Variants in UBE3C observed in about 807,000 individuals in gnomAD.
The protein encoded by UBE3C is ubiquitin protein ligase E3C.
In UBE3C, 42 loss-of-function variants were observed where a neutral mutation model predicts 129.4. The observed-to-expected ratio is 0.32, with a 90% CI of 0.25 to 0.42. The LOEUF is 0.42. UBE3C is among the 10% of genes least tolerant of loss of function. UBE3C has a pLI of 1.00. For synonymous variants in UBE3C, 510 were observed against 492.4 expected (o/e 1.04, Z -0.47); for missense variants, 1,049 against 1,319.1 (o/e 0.80, Z 3.17).
At chr7:157,140,364 G>C (rs1586636289) in intron 1 of UBE3C, among the ~76,000 whole-genome samples, 1 of 152,150 alleles carries the variant, frequency 6.6e-6, no homozygotes, top group South Asian at 2.1e-4. Flanking sequence ...GGTTAGAAGG[G>C]AACCTGGGTA....
In UBE3C at chr7:157,254,216, ATGT is replaced by A. The variant is rs758115610; in HGVS notation, c.2884-26_2884-24del. On this transcript the variant is annotated intron_variant, in intron 20 of 22. Transcript: ENST00000348165. ...CAGGCTTTCTTAAAATTTACCTCAA[ATGT>A]TATTATTTGAACTTTTTTCCTTAGG... 18 of 1,610,304 alleles carry A rather than the reference ATGT, an allele frequency of 1.1e-5. No homozygotes were observed. The African/African-American group carries it at 2.3e-4, about 20-fold the overall frequency.
intron 19 of UBE3C, among the ~76,000 whole-genome samples, chr7:157,250,603 G>A (rs1796597567): frequency 6.6e-6 from 1 of 152,168 alleles, no homozygotes; most frequent in Non-Finnish European, 1.5e-5. Flanking sequence ...GATTACAGAT[G>A]CAAGCCACCA....
chr7:157,140,172 AC>A (rs1554417663), intron 1 of UBE3C, among the ~76,000 whole-genome samples: 1 of 79,864 alleles, frequency 1.3e-5, no homozygotes, highest in Non-Finnish European at 2.5e-5. Context: ...CTCCCTTCCC[AC>A]CCCTTCCCAT....
chr7:157,153,021 C>G, intron 1 of UBE3C, among the ~76,000 whole-genome samples: 1 of 152,086 alleles, frequency 6.6e-6, no homozygotes, highest in East Asian at 1.9e-4. Flanking sequence ...CATGGCGAAA[C>G]CCTGTCTCTA....
At chr7:157,170,842 T>C (rs1808348327) in intron 4 of UBE3C, among the ~76,000 whole-genome samples, 1 of 152,124 alleles carries the variant, frequency 6.6e-6, no homozygotes, top group Non-Finnish European at 1.5e-5. Context: ...GTCTCAGTGT[T>C]TACATTTTAT....
intron 2 of UBE3C, among the ~76,000 whole-genome samples, chr7:157,165,194 T>C (rs909336377): frequency 1.3e-5 from 2 of 152,150 alleles, no homozygotes; most frequent in South Asian, 4.1e-4. Flanking sequence ...TCGGCCATTA[T>C]CTCTTCCATT....
rs560690841 is a variant in UBE3C, at chr7:157,235,812, C to CTTGG, written c.2481+4487_2481+4488insGGTT. On this transcript the variant is annotated intron_variant, in intron 18 of 22. Coordinates refer to ENST00000348165, the MANE Select transcript of UBE3C (RefSeq NM_014671.3). The stretch of plus-strand genomic sequence containing the variant: ...GTGGAAATTCCTAAGGGGTTACTAA[C>CTTGG]TTCCAAAACATATCTGATGACCATC... 2.4e-4 allele frequency among the ~76,000 whole-genome samples: 37 copies of CTTGG among 152,340 alleles called. No homozygotes were observed. The South Asian group carries it at 7.4e-3, about 31-fold the overall frequency.
chr7:157,170,332 G>T lies in UBE3C; in HGVS notation c.224G>T (p.Arg75Leu). The T allele has an allele frequency of 6.6e-7, 1 of 1,519,886 alleles. No individual in the cohort carries two copies. The highest frequency in any genetic ancestry group is 8.8e-7 in the Non-Finnish European group (1 of 1,137,522). The allele number at this position is 1,519,886 out of a possible 1,614,324, so 94.1% of individuals were successfully genotyped here. The stretch of plus-strand genomic sequence containing the variant: ...TCCATCCAAAGAAGTGCATTTGATC[G>T]CTGTGCTACCTTGTCACAGTCCGGG... Reference protein sequence around the residue: ...QYSIQRSAFDRCATLSQSGGA... With the variant: ...QYSIQRSAFDLCATLSQSGGA... Residue 75 changes from arginine to leucine, a missense_variant, in exon 4 of 23, where the codon CGC (arginine) becomes CTC (leucine). By Grantham distance (102) the Arg-to-Leu change is moderately radical. Around this residue, in one of 4 missense-constraint regions of UBE3C, gnomAD observed 489 missense variants for 513.8 expected, o/e 0.95. Transcript: ENST00000348165.
At chr7:157,139,417 T>G in intron 1 of UBE3C, 79 bp downstream of exon 1, 1 of 1,357,200 alleles carries the variant, frequency 7.4e-7, no homozygotes. Context: ...GGGGCTGGAC[T>G]CGGGGCTGGA....
Position 157,153,984 on chromosome 7 carries a change from G to T in UBE3C, c.67-9826G>T, listed in dbSNP as rs530293677. Among the ~76,000 whole-genome samples the T allele has an allele frequency of 3.4e-5, 5 of 148,878 alleles. No homozygotes were observed. In the East Asian group the frequency reaches 1.0e-3, roughly 31 times the overall value. ...TGCACTCCAGCTTGGGTGACAGAGCGAGGCCCTGTCTGGGGGGGGAAAAGT... is the reference window on the plus strand; with the variant it reads ...TGCACTCCAGCTTGGGTGACAGAGCTAGGCCCTGTCTGGGGGGGGAAAAGT... On this transcript the variant is annotated intron_variant, in intron 1 of 22. Transcript: ENST00000348165.
At chr7:157,194,561 A>G (rs1315577912) in intron 10 of UBE3C, among the ~76,000 whole-genome samples, 1 of 152,250 alleles carries the variant, frequency 6.6e-6, no homozygotes, top group Non-Finnish European at 1.5e-5. Context: ...TCTGAGGCGC[A>G]TGCCAGAAAG....
chr7:157,259,059 C>T (rs1376854697), intron 22 of UBE3C, among the ~76,000 whole-genome samples: 1 of 152,238 alleles, frequency 6.6e-6, no homozygotes, highest in Non-Finnish European at 1.5e-5. Context: ...GGAAATTGAA[C>T]TCTGACATAC....
At chr7:157,234,201 G>A (rs1389204130) in intron 18 of UBE3C, among the ~76,000 whole-genome samples, 1 of 152,026 alleles carries the variant, frequency 6.6e-6, no homozygotes, top group Admixed American at 6.5e-5. Context: ...GAAGTCTAAC[G>A]TGTTTTTTTC....
intron 1 of UBE3C, among the ~76,000 whole-genome samples, chr7:157,146,910 C>T (rs1338385021): frequency 6.6e-6 from 1 of 152,192 alleles, no homozygotes; most frequent in Non-Finnish European, 1.5e-5. Context: ...CTCAGCCTCC[C>T]AAAGTGCTGG....
chr7:157,258,044 C>A (rs1016546787), intron 22 of UBE3C, among the ~76,000 whole-genome samples: 5 of 150,574 alleles, frequency 3.3e-5, no homozygotes, highest in African/African-American at 1.2e-4. Context: ...GCCACCCAGG[C>A]TGAAGCAATC....
intron 11 of UBE3C, among the ~76,000 whole-genome samples, chr7:157,205,389 C>T (rs2117000512): frequency 6.6e-6 from 1 of 151,954 alleles, no homozygotes; most frequent in South Asian, 2.1e-4. Flanking sequence ...AATATGTGTG[C>T]ATAACTGATG....
intron 10 of UBE3C, chr7:157,198,297 T>C: frequency 1.1e-6 from 1 of 872,958 alleles, no homozygotes; most frequent in Non-Finnish European, 2.0e-6. Flanking sequence ...ACTGCAGCTT[T>C]AGGTCTGTCA....
intron 1 of UBE3C, among the ~76,000 whole-genome samples, chr7:157,142,389 TTGA>T (rs1288580806): frequency 2.0e-5 from 3 of 152,172 alleles, no homozygotes; most frequent in African/African-American, 7.2e-5. Context: ...CTTGAAGAAG[TTGA>T]TAATCTTGTT....
chr7:157,194,584 C>G (rs550031221), intron 10 of UBE3C, among the ~76,000 whole-genome samples: 1 of 152,268 alleles, frequency 6.6e-6, no homozygotes, highest in Admixed American at 6.5e-5. Flanking sequence ...GCCAAATTGC[C>G]TTAAACAGAC....
Sources: gnomAD v4.1 joint callset for allele counts (sites outside exome capture counted in the v4.1 genomes callset) on GRCh38, gnomAD v4.1.1 for gene constraint, gnomAD v4.1.1 regional missense constraint, MANE v1.5 for transcripts, NCBI Gene and HGNC (gene_info 2026-07-23, HGNC 2026-07-21) for gene names.